The following EIF5B variants were observed in gnomAD, a reference collection of about 807,000 sequenced individuals.
EIF5B encodes the protein eIF-5B.
Under a neutral mutation model 147.5 loss-of-function variants are expected in EIF5B, and 47 were observed. The ratio of observed to expected loss-of-function variants is 0.32; its 90% confidence interval spans 0.25 to 0.41. EIF5B has a LOEUF of 0.41. EIF5B is among the 10% of genes least tolerant of loss of function. The probability of loss-of-function intolerance (pLI) is 1.00; values close to 1 mark genes in which losing one functional copy is unlikely to be tolerated. For missense variants in EIF5B, 1,064 were observed against 1,413.2 expected, an observed-to-expected ratio of 0.75 and a Z score of 3.96; for synonymous variants, 455 against 456.2, an observed-to-expected ratio of 1.00 and a Z score of 0.03.
chr2:99,380,384 A>G (rs970552072), intron 12 of EIF5B, among the ~76,000 whole-genome samples: 1 of 152,090 alleles, frequency 6.6e-6, no homozygotes, highest in Admixed American at 6.6e-5. Flanking sequence ...GAACTCATGG[A>G]TTTAAACATA....
chr2:99,390,927 A>T (rs1674915416), intron 17 of EIF5B, among the ~76,000 whole-genome samples: 1 of 152,178 alleles, frequency 6.6e-6, no homozygotes, highest in Admixed American at 6.5e-5. Context: ...GCCAGATTCT[A>T]AACTACACTG....
rs531640764 is a variant in EIF5B, at chr2:99,355,496, T to TTAGATTTCCACATA, written c.36-4740_36-4739insTAGATTTCCACATA. ...CATTTTGTAATTTTCCACATATAAG[T>TTAGATTTCCACATA]ACTTTACATATTTTGTTAGATTTAA... On this transcript the variant is annotated intron_variant, in intron 1 of 23. Coordinates refer to ENST00000289371, the MANE Select transcript of EIF5B (RefSeq NM_015904.4). Among the ~76,000 whole-genome samples the TTAGATTTCCACATA allele has an allele frequency of 2.2e-3, 335 of 152,220 alleles. 10 individuals carry two copies. The East Asian group carries it at 0.057, about 26-fold the overall frequency.
intron 12 of EIF5B, among the ~76,000 whole-genome samples, 193 bp downstream of exon 12, chr2:99,379,621 C>T (rs1674647832): frequency 6.6e-6 from 1 of 152,086 alleles, no homozygotes; most frequent in Admixed American, 6.6e-5. Context: ...ATTATAGGAG[C>T]TCTCACATTC....
rs182102272 is a variant in EIF5B, at chr2:99,363,210, A to G, written c.920-435A>G. On this transcript the variant is annotated intron_variant, in intron 4 of 23. Transcript: ENST00000289371. ...CCTACTAATACCCCCTAAAGTGGAC[A>G]TCATTCTCATTAACTCCATCTTGTA... 2.3e-3 allele frequency among the ~76,000 whole-genome samples: 348 copies of G among 152,320 alleles called. 4 individuals are homozygous for G. Among genetic ancestry groups the G allele is most frequent in the African/African-American group, 8.1e-3 (337 of 41,574 alleles).
chr2:99,372,888 G>T (rs1017728328), intron 9 of EIF5B, among the ~76,000 whole-genome samples: 1 of 151,944 alleles, frequency 6.6e-6, no homozygotes, highest in Non-Finnish European at 1.5e-5. Context: ...AGCGTTCTGA[G>T]GGTTTTTTTG....
chr2:99,367,007 A>G (rs1384604347), intron 6 of EIF5B, among the ~76,000 whole-genome samples: 2 of 152,224 alleles, frequency 1.3e-5, no homozygotes, highest in Admixed American at 1.3e-4. Flanking sequence ...ACCCAAAACC[A>G]GTTTTAATTC....
intron 1 of EIF5B, among the ~76,000 whole-genome samples, chr2:99,358,731 G>T (rs910953946): frequency 1.6e-4 from 25 of 152,088 alleles, no homozygotes; most frequent in African/African-American, 5.6e-4. Context: ...TGTACTTACT[G>T]TGTCTGGTAT....
intron 6 of EIF5B, 89 bp from the exon 7 acceptor site, chr2:99,368,402 CTG>C: frequency 3.3e-6 from 3 of 904,192 alleles, no homozygotes; most frequent in East Asian, 4.9e-5. Flanking sequence ...GTATGTGTCT[CTG>C]TGGTGAATGA....
intron 12 of EIF5B, among the ~76,000 whole-genome samples, chr2:99,380,937 A>G (rs528993629): frequency 1.3e-5 from 2 of 152,276 alleles, no homozygotes; most frequent in African/African-American, 2.4e-5. Flanking sequence ...TGACATTTTC[A>G]TTCCTTAAGT....
chr2:99,338,189 T>A lies in EIF5B; in HGVS notation c.35+600T>A, dbSNP rs901958763. Reference sequence around the variant, plus strand: ...TTCCGGCCTGTTTTTTTTTGTCGTTTCTTTGCTCTCTAGCCTTCCCCTAAG... The same window carrying A: ...TTCCGGCCTGTTTTTTTTTGTCGTTACTTTGCTCTCTAGCCTTCCCCTAAG... On this transcript the variant is annotated intron_variant, in intron 1 of 23. Transcript: ENST00000289371. 3.5e-5 allele frequency: 21 copies of A among 603,174 alleles called. No individual in the cohort carries two copies. In the Admixed American group the frequency reaches 5.4e-4, roughly 16 times the overall value. The allele number at this position is 603,174 out of a possible 1,614,324, so 37.4% of individuals were successfully genotyped here. A position where few individuals can be genotyped will look rare whatever the true frequency, so the allele number is the denominator to read the frequency against.
intron 14 of EIF5B, among the ~76,000 whole-genome samples, chr2:99,386,533 G>A (rs1255210830): frequency 6.7e-6 from 1 of 148,506 alleles, no homozygotes; most frequent in African/African-American, 2.5e-5. Flanking sequence ...GTGTGTGTGT[G>A]TGTTTTTTTT....
In EIF5B at chr2:99,379,014, T is replaced by C; in HGVS notation, c.1843-5T>C. ...TTTTTGATTTTTTTTTTTTTTTATT[T>C]CTAGAAACGGCGACTTGAACATAGT... On this transcript the variant is annotated splice_region_variant and splice_polypyrimidine_tract_variant and intron_variant, in intron 10 of 23. Transcript: ENST00000289371. The C allele has an allele frequency of 6.6e-7, 1 of 1,518,684 alleles. No individual in the cohort carries two copies. The allele number at this position is 1,518,684 out of a possible 1,614,324, so 94.1% of individuals were successfully genotyped here. A position where few individuals can be genotyped will look rare whatever the true frequency, so the allele number is the denominator to read the frequency against.
chr2:99,394,140 CTCTA>C, intron 18 of EIF5B, 123 bp from the exon 19 acceptor site: 2 of 1,227,502 alleles, frequency 1.6e-6, no homozygotes, highest in Non-Finnish European at 2.2e-6. Flanking sequence ...TGATGCCTTG[CTCTA>C]TCTAAGCCTT....
chr2:99,396,592 C>CTGGGCATGGGG (rs1455350305), intron 21 of EIF5B, among the ~76,000 whole-genome samples, 168 bp from the exon 22 acceptor site: 5 of 152,224 alleles, frequency 3.3e-5, no homozygotes, highest in Non-Finnish European at 7.3e-5. Context: ...AAGAAGCGCT[C>CTGGGCATGGGG]TGGGCATGGG....
At chr2:99,399,253 C>T in intron 23 of EIF5B, 54 bp from the exon 24 acceptor site, 1 of 1,564,212 alleles carries the variant, frequency 6.4e-7, no homozygotes, top group African/African-American at 1.4e-5. Flanking sequence ...CCACAGCTTT[C>T]TTTGGCACGT....
At chr2:99,345,067 A>G (rs796473247) in intron 1 of EIF5B, among the ~76,000 whole-genome samples, 3 of 152,366 alleles carry the variant, frequency 2.0e-5, no homozygotes, top group African/African-American at 7.2e-5. Flanking sequence ...CAGATAAATG[A>G]AATGTCATTG....
Position 99,369,464 on chromosome 2 carries a change from C to G in EIF5B, c.1460C>G (p.Pro487Arg). 3.7e-6 allele frequency: 6 copies of G among 1,609,572 alleles called. No homozygotes were observed. The highest frequency in any genetic ancestry group is 5.1e-6 in the Non-Finnish European group (6 of 1,177,018). The change falls in exon 8 of 24, where the codon CCA (proline) becomes CGA (arginine). Residue 487 changes from proline (P) to arginine (R), a missense_variant. Transcript: ENST00000289371. The stretch of plus-strand genomic sequence containing the variant: ...GGAGTACCAGAAAAGGAAGAGACAC[C>G]ACCTCCTGTTGAACCAGGCGGGTAG... ...EQGVPEKEET[P>R]PPVEPEEEED...
intron 1 of EIF5B, among the ~76,000 whole-genome samples, chr2:99,350,323 A>G (rs915093282): frequency 6.6e-6 from 1 of 152,226 alleles, no homozygotes; most frequent in South Asian, 2.1e-4. Context: ...TGGAATTGTT[A>G]GATTATATGA....
intron 21 of EIF5B, among the ~76,000 whole-genome samples, chr2:99,395,416 C>T (rs1675022635): frequency 6.6e-6 from 1 of 152,234 alleles, no homozygotes; most frequent in Admixed American, 6.5e-5. Context: ...TCACCCCAAC[C>T]TCTGCCTACT....
Sources: gnomAD v4.1 joint callset for allele counts (sites outside exome capture counted in the v4.1 genomes callset) on GRCh38, gnomAD v4.1.1 for gene constraint, MANE v1.5 for transcripts, NCBI Gene and HGNC (gene_info 2026-07-23, HGNC 2026-07-21) for gene names.